PITRM1: variants seen among roughly 807,000 people sequenced by gnomAD.
PITRM1 encodes presequence protease, mitochondrial.
PITRM1 carries 100 observed loss-of-function variants against 129.9 expected under a neutral mutation model. That is an observed-to-expected ratio of 0.77 (90% CI 0.65 to 0.91). The LOEUF is 0.91. Ranked by LOEUF, PITRM1 falls within the 40% of genes least tolerant of loss-of-function variation. PITRM1 has a pLI of 0.00. For synonymous variants in PITRM1, 591 were observed against 508.8 expected, an observed-to-expected ratio of 1.16 and a Z score of -2.17; for missense variants, 1,471 against 1,318.3, an observed-to-expected ratio of 1.12 and a Z score of -1.79.
intron 9 of PITRM1, 44 bp from the exon 10 acceptor site, chr10:3,159,086 AG>A (rs1406187405): frequency 6.4e-7 from 1 of 1,560,366 alleles, no homozygotes; most frequent in East Asian, 2.3e-5. Flanking sequence ...AAAAGAGTAA[AG>A]GGAAAATTAC....
At chr10:3,150,327 A>T (rs1439665133) in intron 15 of PITRM1, among the ~76,000 whole-genome samples, 2 of 152,214 alleles carry the variant, frequency 1.3e-5, no homozygotes, top group Non-Finnish European at 2.9e-5. Context: ...CAAACACTTA[A>T]TGAGATTCAC....
In PITRM1 at chr10:3,172,753, C is replaced by G. The variant is rs759173740; in HGVS notation, c.20G>C (p.Arg7Pro). The stretch of plus-strand genomic sequence containing the variant: ...CCGCCTCAGCACACACAGGCCCTGC[C>G]GCCCGCCGCAGCGCCACATTGCGCA... MWRCGG[R>P]QGLCVLRRLS... Residue 7 changes from arginine (R) to proline (P), a missense_variant, in exon 1 of 27, where the codon CGG becomes CCG. Physicochemically the swap from Arg to Pro is moderately radical, Grantham distance 103. Transcript: ENST00000224949. 5.3e-5 allele frequency: 82 copies of G among 1,545,736 alleles called. No individual in the cohort carries two copies. The highest frequency in any genetic ancestry group is 6.5e-5 in the Non-Finnish European group (74 of 1,145,216).
intron 23 of PITRM1, 96 bp downstream of exon 23, chr10:3,143,291 CTT>C (rs1195614372): frequency 6.7e-6 from 5 of 750,846 alleles, no homozygotes; most frequent in Non-Finnish European, 1.2e-5. Context: ...TCAGCACAGA[CTT>C]TTCCTGTGCT....
intron 14 of PITRM1, among the ~76,000 whole-genome samples, chr10:3,152,655 G>T (rs753260249): frequency 3.3e-5 from 5 of 152,240 alleles, no homozygotes; most frequent in Admixed American, 6.5e-5. Context: ...GGCTCTGCAG[G>T]CTTCCCCTGC....
intron 14 of PITRM1, among the ~76,000 whole-genome samples, chr10:3,152,998 GC>G (rs750195663): frequency 7.2e-5 from 11 of 152,250 alleles, no homozygotes; most frequent in Non-Finnish European, 1.2e-4. Context: ...GAAGATTCAA[GC>G]TTTTACTACA....
intron 24 of PITRM1, among the ~76,000 whole-genome samples, chr10:3,139,550 T>C (rs1427859584): frequency 6.6e-6 from 1 of 152,222 alleles, no homozygotes; most frequent in Non-Finnish European, 1.5e-5. Flanking sequence ...GGGGCGGCTG[T>C]GAGCTGCTTC....
chr10:3,161,120 G>A (rs1395175168), intron 7 of PITRM1, among the ~76,000 whole-genome samples: 2 of 151,614 alleles, frequency 1.3e-5, no homozygotes, highest in Non-Finnish European at 2.9e-5. Flanking sequence ...TCAAACTCCT[G>A]GCCTCAAGCA....
intron 23 of PITRM1, 119 bp downstream of exon 23, chr10:3,143,270 A>G (rs1840448219): frequency 4.5e-6 from 3 of 667,896 alleles, no homozygotes; most frequent in Admixed American, 2.3e-5. Flanking sequence ...CCCCAGGTCC[A>G]ACACTCAGAG....
In PITRM1 at chr10:3,138,946, CAG is replaced by C. The variant is rs746829822; in HGVS notation, c.2873_2874del (p.Ser958CysfsTer26). The C allele has an allele frequency of 9.7e-5, 156 of 1,613,988 alleles. No homozygotes were observed. Among genetic ancestry groups the C allele is most frequent in the East Asian group, 3.3e-4 (15 of 44,876 alleles). On this transcript the variant is annotated frameshift_variant, in exon 25 of 27. Transcript: ENST00000224949. LOFTEE classifies it high-confidence loss of function. Reference sequence around the variant, plus strand: ...ACAGGAGCATCTACGGTTGAGAAGACAGAAAGTTTGGCTTCGTCGATGTCTTG... The same window carrying C: ...ACAGGAGCATCTACGGTTGAGAAGACAAAGTTTGGCTTCGTCGATGTCTTG... ...TQQDIDEAKL[S>X]VFSTVDAPVA...
At chr10:3,153,866 ATGTG>A (rs1564410735) in intron 14 of PITRM1, among the ~76,000 whole-genome samples, 1 of 152,232 alleles carries the variant, frequency 6.6e-6, no homozygotes, top group Non-Finnish European at 1.5e-5. Flanking sequence ...AAGTAAGTGC[ATGTG>A]TGTATGTGTT....
Position 3,160,258 on chromosome 10 carries a change from G to C in PITRM1, c.864C>G (p.Phe288Leu). ...CCACGGTGCTTGGTTCAATTTTCTG[G>C]AATTTGCTCAGTGCTTCCTCGTGAA... The part of the protein sequence containing the change: ...KQIHEEALSK[F>L]QKIEPSTVVP... Residue 288 changes from phenylalanine (F) to leucine (L), a missense_variant, in exon 8 of 27, where the codon TTC becomes TTG. Transcript: ENST00000224949. 1 of 1,613,892 alleles carries C rather than the reference G, an allele frequency of 6.2e-7. No homozygotes were observed. The highest frequency in any genetic ancestry group is 8.5e-7 in the Non-Finnish European group (1 of 1,179,810).
intron 7 of PITRM1, among the ~76,000 whole-genome samples, chr10:3,161,574 C>T (rs1019704717): frequency 2.6e-5 from 4 of 151,840 alleles, no homozygotes; most frequent in Non-Finnish European, 5.9e-5. Flanking sequence ...ATGCTGCTCT[C>T]CAAAGACCCT....
In PITRM1 at chr10:3,149,520, T is replaced by C; in HGVS notation, c.1871+101A>G. The C allele has an allele frequency of 5.8e-6, 7 of 1,204,048 alleles. No individual in the cohort carries two copies. In the South Asian group the frequency reaches 6.5e-5, roughly 11 times the overall value. 74.6% of individuals were successfully genotyped at this position (1,204,048 alleles called of 1,614,324 possible). ...CATACTTACACACTAACATTGTAAG[T>C]TGTGATTCACTGAAGGTAATTCCTA... On this transcript the variant is annotated intron_variant, in intron 16 of 26. Transcript: ENST00000224949.
At chr10:3,162,077 T>C (rs1038704381) in intron 7 of PITRM1, among the ~76,000 whole-genome samples, 2 of 148,358 alleles carry the variant, frequency 1.3e-5, no homozygotes, top group East Asian at 4.0e-4. Context: ...GAGGCTGAGG[T>C]GGCCCAGGAG....
chr10:3,163,908 T>A (rs777948142), intron 6 of PITRM1, 23 bp from the exon 7 acceptor site: 10 of 1,545,538 alleles, frequency 6.5e-6, no homozygotes, highest in Non-Finnish European at 8.8e-6. Context: ...AATAAATAAA[T>A]CATAAGTATA....
intron 24 of PITRM1, among the ~76,000 whole-genome samples, chr10:3,140,145 A>G (rs907136830): frequency 6.6e-6 from 1 of 152,148 alleles, no homozygotes; most frequent in African/African-American, 2.4e-5. Context: ...CAACAATTAT[A>G]CTGTAATAAA....
At chr10:3,162,206 A>G (rs1564426656) in intron 7 of PITRM1, among the ~76,000 whole-genome samples, 1 of 151,744 alleles carries the variant, frequency 6.6e-6, no homozygotes, top group Non-Finnish European at 1.5e-5. Flanking sequence ...GTCACCATTA[A>G]AAGTAGTTCC....
chr10:3,138,214 T>TCTCCCCCG, intron 26 of PITRM1, 21 bp downstream of exon 26: 1 of 1,599,766 alleles, frequency 6.3e-7, no homozygotes, highest in Middle Eastern at 1.7e-4. Flanking sequence ...CCAGACGCTG[T>TCTCCCCCG]CTCCCCCGCT....
At chr10:3,167,944 G>A (rs1343270535) in intron 2 of PITRM1, 3 of 152,162 alleles carry the variant, frequency 2.0e-5, no homozygotes, top group African/African-American at 7.2e-5. Context: ...CACTCCTGGG[G>A]CGGCGTGGAA....
Sources: gnomAD v4.1 joint callset for allele counts (sites outside exome capture counted in the v4.1 genomes callset) on GRCh38, gnomAD v4.1.1 for gene constraint, MANE v1.5 for transcripts, NCBI Gene and HGNC (gene_info 2026-07-23, HGNC 2026-07-21) for gene names.